ECH1: variants seen among roughly 807,000 people sequenced by gnomAD.
The protein encoded by ECH1 is enoyl-CoA hydratase 1.
Under a neutral mutation model 37.0 loss-of-function variants are expected in ECH1, and 30 were observed. The ratio of observed to expected loss-of-function variants is 0.81; its 90% CI spans 0.61 to 1.10. The LOEUF is 1.10. Ranked by LOEUF, ECH1 falls within the 50% of genes least tolerant of loss-of-function variation. The pLI is 0.00. For missense variants in ECH1, 456 were observed against 441.6 expected, an observed-to-expected ratio of 1.03 and a Z score of -0.29; for synonymous variants, 178 against 176.0, an observed-to-expected ratio of 1.01 and a Z score of -0.09.
chr19:38,823,085 G>A (rs564336593), intron 3 of ECH1: 1 of 153,232 alleles, frequency 6.5e-6, no homozygotes, highest in Non-Finnish European at 1.5e-5. Flanking sequence ...AACACTCACT[G>A]CGAAGGTCTG....
At position 38,825,753 on chromosome 19, in the gene ECH1, T is replaced by TA. The variant is rs113587924; in HGVS notation, c.349+5324dup. 2.5e-3 allele frequency among the ~76,000 whole-genome samples: 378 copies of TA among 152,236 alleles called. 4 individuals are homozygous for TA. Among genetic ancestry groups the TA allele is most frequent in the African/African-American group, 8.3e-3 (346 of 41,530 alleles). On this transcript the variant is annotated intron_variant, in intron 3 of 9. Coordinates refer to ENST00000221418, the MANE Select transcript of ECH1 (RefSeq NM_001398.3). The stretch of plus-strand genomic sequence containing the variant: ...TATCATGCGGTTTACTAGGACACTT[T>TA]AAAAAAGATTGTCCAATGAGAAACA...
At chr19:38,830,909 T>C in intron 3 of ECH1, 169 bp downstream of exon 3, 1 of 619,134 alleles carries the variant, frequency 1.6e-6, no homozygotes, top group Non-Finnish European at 2.8e-6. Flanking sequence ...TGAGCTGAGA[T>C]TGCGCTACTG....
At chr19:38,820,053 CTTTTTTTTTTTT>C (rs1168608450) in intron 3 of ECH1, 5 of 139,504 alleles carry the variant, frequency 3.6e-5, no homozygotes, top group South Asian at 3.7e-4. Flanking sequence ...GTCCCCCTTA[CTTTTTTTTTTTT>C]TTTTTTTTTT....
chr19:38,818,475 C>T, intron 3 of ECH1: 2 of 763,730 alleles, frequency 2.6e-6, no homozygotes, highest in Non-Finnish European at 3.2e-6. Context: ...TGGGTCAGAT[C>T]CTCTTTTTTT....
chr19:38,818,766 G>A lies in ECH1; in HGVS notation c.350-1191C>T, dbSNP rs140905706. 5.4e-3 allele frequency among the ~76,000 whole-genome samples: 829 copies of A among 152,302 alleles called. 8 individuals are homozygous for A. Among genetic ancestry groups the A allele is most frequent in the African/African-American group, 0.019 (791 of 41,580 alleles). ...CTCCCAAAGTGCTGGGATTACAGGCGTGAGCCACCGTGCCCGGCCCAGACC... is the reference window on the plus strand; with the variant it reads ...CTCCCAAAGTGCTGGGATTACAGGCATGAGCCACCGTGCCCGGCCCAGACC... On this transcript the variant is annotated intron_variant, in intron 3 of 9. Coordinates refer to ENST00000221418, the MANE Select transcript of ECH1 (RefSeq NM_001398.3).
rs370423145 is a variant in ECH1 at position 38,817,823 on chromosome 19, TTG to T, written c.350-250_350-249del. The stretch of plus-strand genomic sequence containing the variant: ...CGTACCAGCTAGGTCCTATTACTAT[TTG>T]TGTTACCAATGGGTAAACTAAGGCA... On this transcript the variant is annotated intron_variant, in intron 3 of 9. Coordinates refer to ENST00000221418, the MANE Select transcript of ECH1 (RefSeq NM_001398.3). 7.4e-4 allele frequency: 690 copies of T among 931,860 alleles called. 16 individuals are homozygous for T. In the South Asian group the frequency reaches 0.031, roughly 42 times the overall value. 57.7% of individuals were successfully genotyped at this position (931,860 alleles called of 1,614,324 possible).
chr19:38,828,546 G>A (rs760066318), intron 3 of ECH1, among the ~76,000 whole-genome samples: 36 of 151,834 alleles, frequency 2.4e-4, no homozygotes, highest in Middle Eastern at 3.4e-3. Flanking sequence ...ATTTCCAAGC[G>A]AAAAGATGAT....
rs571569675 is a variant in ECH1, at chr19:38,826,001, C to T, written c.349+5077G>A. On this transcript the variant is annotated intron_variant, in intron 3 of 9. Transcript: ENST00000221418. Reference sequence around the variant, plus strand: ...ACTGACTTCCTCCTGGACACTGGCGCGGCCTTCTCAGTGTTAATCTCCTGT... The same window carrying T: ...ACTGACTTCCTCCTGGACACTGGCGTGGCCTTCTCAGTGTTAATCTCCTGT... 5.4e-4 allele frequency among the ~76,000 whole-genome samples: 82 copies of T among 152,280 alleles called. No homozygotes were observed. In the South Asian group the frequency reaches 8.9e-3, roughly 17 times the overall value.
intron 9 of ECH1, 65 bp downstream of exon 9, chr19:38,815,792 C>A: frequency 1.2e-6 from 2 of 1,613,132 alleles, no homozygotes. Flanking sequence ...ATGAGAGCAC[C>A]CTGCACCCTG....
chr19:38,831,387 G>A lies in ECH1; in HGVS notation c.182C>T (p.Thr61Met), dbSNP rs564892698. 4.3e-6 allele frequency: 7 copies of A among 1,614,000 alleles called. No homozygotes were observed. Among genetic ancestry groups the A allele is most frequent in the African/African-American group, 2.7e-5 (2 of 74,998 alleles). ...ATGCAGAACATGTTTCTGCGCAGAC[G>A]TCACACGAAGGGACTCATAGCTGTG... ...PDHSYESLRV[T>M]SAQKHVLHVQ... The change falls in exon 2 of 10, where the codon ACG (threonine) becomes ATG (methionine). Residue 61 changes from threonine (T) to methionine (M), a missense_variant. By Grantham distance (81) the Thr-to-Met change is moderately conservative. Transcript: ENST00000221418.
intron 3 of ECH1, among the ~76,000 whole-genome samples, chr19:38,820,860 C>T (rs1449066856): frequency 2.0e-5 from 3 of 152,180 alleles, no homozygotes; most frequent in East Asian, 1.9e-4. Flanking sequence ...GGTCAGGAAT[C>T]GGGGCTGCTT....
At chr19:38,821,608 C>G (rs902341037) in intron 3 of ECH1, among the ~76,000 whole-genome samples, 1 of 152,232 alleles carries the variant, frequency 6.6e-6, no homozygotes. Context: ...CCGGCGCCAC[C>G]TGCCCTGAGC....
chr19:38,830,414 C>T (rs906026092), intron 3 of ECH1, among the ~76,000 whole-genome samples: 2 of 152,188 alleles, frequency 1.3e-5, no homozygotes, highest in African/African-American at 4.8e-5. Context: ...GAAACCTAGA[C>T]TTCAGAGCCT....
chr19:38,817,254 CG>C, intron 5 of ECH1, 61 bp downstream of exon 5: 13 of 1,530,278 alleles, frequency 8.5e-6, no homozygotes, highest in Non-Finnish European at 1.1e-5. Context: ...CCAGTGGCCG[CG>C]GCATCGGAGC....
chr19:38,819,241 A>C (rs1971626789), intron 3 of ECH1: 1 of 985,322 alleles, frequency 1.0e-6, no homozygotes, highest in Non-Finnish European at 1.2e-6. Flanking sequence ...CCTTGAGTAA[A>C]GACCCAGAGG....
At chr19:38,819,008 T>TGCGCGC (rs59789820) in intron 3 of ECH1, 2 of 324,380 alleles carry the variant, frequency 6.2e-6, no homozygotes, top group Admixed American at 6.6e-5. Flanking sequence ...TGTGTGTGTG[T>TGCGCGC]GCGGGCACGT....
rs1354027449 is a variant in ECH1 at position 38,826,625 on chromosome 19, C to G, written c.349+4453G>C. Among the ~76,000 whole-genome samples, 5 of 152,222 alleles carry G rather than the reference C, an allele frequency of 3.3e-5. No homozygotes were observed. In the East Asian group the frequency reaches 9.6e-4, roughly 29 times the overall value. On this transcript the variant is annotated intron_variant, in intron 3 of 9. Transcript: ENST00000221418. ...ATAACAGAGGCAGCAGAATGGTTCA[C>G]AGTTCTAGACCTCAAGGATGCCTTC...
At chr19:38,818,061 G>T in intron 3 of ECH1, 1 of 310,034 alleles carries the variant, frequency 3.2e-6, no homozygotes, top group Non-Finnish European at 4.7e-6. Flanking sequence ...GGCTGGGACT[G>T]TGCCGAGGCT....
intron 3 of ECH1, among the ~76,000 whole-genome samples, chr19:38,825,482 T>C (rs1265113301): frequency 1.3e-5 from 2 of 152,204 alleles, no homozygotes; most frequent in Admixed American, 6.5e-5. Context: ...GATAAGTTTA[T>C]TATCCAATCA....
Sources: gnomAD v4.1 joint callset for allele counts (sites outside exome capture counted in the v4.1 genomes callset) on GRCh38, gnomAD v4.1.1 for gene constraint, MANE v1.5 for transcripts, NCBI Gene and HGNC (gene_info 2026-07-23, HGNC 2026-07-21) for gene names.